Variants in ABCC10 observed in about 807,000 individuals in gnomAD.
The protein encoded by ABCC10 is ATP-binding cassette sub-family C member 10.
A neutral mutation model predicts 143.2 loss-of-function variants in ABCC10; 110 were observed. That is an observed-to-expected ratio of 0.77 (90% CI 0.66 to 0.90). The LOEUF is 0.90. Among genes scored for constraint, ABCC10 ranks in the 40% least tolerant of loss-of-function variants. ABCC10 has a pLI of 0.00. For synonymous variants in ABCC10, 805 were observed against 846.7 expected (o/e 0.95, Z 0.85); for missense variants, 1,700 against 1,900.5 (o/e 0.89, Z 1.96).
chr6:43,437,274 A>G (rs1331572802), intron 6 of ABCC10, among the ~76,000 whole-genome samples: 1 of 152,070 alleles, frequency 6.6e-6, no homozygotes, highest in Non-Finnish European at 1.5e-5. Flanking sequence ...AGGTCTCAGA[A>G]GTGGTGCCCA....
chr6:43,432,157 C>A lies in ABCC10; in HGVS notation c.177C>A (p.Ile59=). 1 of 1,614,146 alleles carries A rather than the reference C, an allele frequency of 6.2e-7. No individual in the cohort carries two copies. The highest frequency in any genetic ancestry group is 8.5e-7 in the Non-Finnish European group (1 of 1,180,004). The change falls in exon 3 of 22, where the codon ATC becomes ATA. Residue 59 remains isoleucine, a synonymous_variant. Coordinates refer to ENST00000372530, the MANE Select transcript of ABCC10 (RefSeq NM_001198934.2). Reference sequence around the variant, plus strand: ...TTGTCCCCAGGAGTCCAGATTACATCCTACCCTGCAGTCCTGGATGGCGCC... The same window carrying A: ...TTGTCCCCAGGAGTCCAGATTACATACTACCCTGCAGTCCTGGATGGCGCC... ...YLGTPRSPDY[I]LPCSPGWRLR...
intron 20 of ABCC10, 59 bp downstream of exon 20, chr6:43,449,263 T>G (rs1783487757): frequency 3.2e-6 from 5 of 1,573,770 alleles, no homozygotes; most frequent in Non-Finnish European, 2.6e-6. Context: ...GGCCGGGAGG[T>G]GGGGAGGTAG....
chr6:43,438,094 TG>T, intron 7 of ABCC10, 81 bp downstream of exon 7: 1 of 1,459,480 alleles, frequency 6.9e-7, no homozygotes, highest in South Asian at 1.2e-5. Context: ...GGACACCTTT[TG>T]GGGGTCAGGG....
intron 7 of ABCC10, 90 bp downstream of exon 7, chr6:43,438,103 G>A: frequency 7.1e-7 from 1 of 1,403,992 alleles, no homozygotes; most frequent in South Asian, 1.2e-5. Context: ...TTGGGGGTCA[G>A]GGGTACTAAG....
downstream of ABCC10, chr6:43,451,332 C>G: frequency 6.4e-7 from 1 of 1,569,098 alleles, no homozygotes; most frequent in African/African-American, 1.3e-5. This position sits in a 1 kb window ranked among gnomAD's most constrained non-coding sequence, Gnocchi z 4.4. Flanking sequence ...GTAGGGCAGC[C>G]CAGGTCAGTA....
chr6:43,451,265 G>C (rs1274734351), downstream of ABCC10: 1 of 1,613,780 alleles, frequency 6.2e-7, no homozygotes, highest in Non-Finnish European at 8.5e-7. This position sits in a 1 kb window ranked among gnomAD's most constrained non-coding sequence, Gnocchi z 4.4. Flanking sequence ...CGCCATTGCG[G>C]CATGGGGAGC....
chr6:43,427,870 G>C, intron 1 of ABCC10, 98 bp from the exon 2 acceptor site: 2 of 1,426,986 alleles, frequency 1.4e-6, no homozygotes, highest in Non-Finnish European at 2.0e-6. Context: ...GGCGGTCCCG[G>C]TTCCAGGGCG....
chr6:43,428,159 A>G lies in ABCC10; in HGVS notation c.161+20A>G. 1 of 1,513,080 alleles carries G rather than the reference A, an allele frequency of 6.6e-7. No individual in the cohort carries two copies. The highest frequency in any genetic ancestry group is 8.8e-7 in the Non-Finnish European group (1 of 1,131,392). The allele number at this position is 1,513,080 out of a possible 1,614,324, so 93.7% of individuals were successfully genotyped here. On this transcript the variant is annotated intron_variant, in intron 2 of 21. Transcript: ENST00000372530. ...CCCGAGGTGGGTAGAGACGGGCGCA[A>G]GGCATCTGTCCATGTGTGCCTGCAG...
chr6:43,447,304 C>T lies in ABCC10; in HGVS notation c.3601C>T (p.Leu1201=). Residue 1201 remains leucine (L), a synonymous_variant, in exon 17 of 22, where the codon CTG becomes TTG. Coordinates refer to ENST00000372530, the MANE Select transcript of ABCC10 (RefSeq NM_001198934.2). The part of the protein sequence containing the change: ...ALSLTGLLSG[L]VSSFTQTEAM... The stretch of plus-strand genomic sequence containing the variant: ...GTCCCTGACGGGCCTGCTCTCGGGC[C>T]TGGTGAGCAGCTTCACACAGACAGA... The T allele has an allele frequency of 5.6e-6, 9 of 1,613,792 alleles. No homozygotes were observed. The highest frequency in any genetic ancestry group is 6.8e-6 in the Non-Finnish European group (8 of 1,180,016).
At chr6:43,436,761 C>G (rs1781771019) in intron 6 of ABCC10, among the ~76,000 whole-genome samples, 1 of 152,250 alleles carries the variant, frequency 6.6e-6, no homozygotes, top group Non-Finnish European at 1.5e-5. Flanking sequence ...TTTTCACTCT[C>G]TCCTGACCTT....
At position 43,434,621 on chromosome 6, in the gene ABCC10, C is replaced by T; in HGVS notation, c.1381C>T (p.Leu461Phe). 1 of 1,612,582 alleles carries T rather than the reference C, an allele frequency of 6.2e-7. No individual in the cohort carries two copies. The highest frequency in any genetic ancestry group is 1.1e-5 in the South Asian group (1 of 90,964). ...MLQHKDARVKLVTELLSGIRV... is the reference protein window; with the variant it reads ...MLQHKDARVKFVTELLSGIRV... ...CCTCTCCCTTGTCTCCTTTCCCTAGCTTGTGACAGAGCTGCTGAGTGGCAT... is the reference window on the plus strand; with the variant it reads ...CCTCTCCCTTGTCTCCTTTCCCTAGTTTGTGACAGAGCTGCTGAGTGGCAT... Residue 461 changes from leucine (L) to phenylalanine (F), a missense_variant and splice_region_variant, in exon 4 of 22, where the codon CTT becomes TTT. By Grantham distance (22) the Leu-to-Phe change is conservative. Transcript: ENST00000372530.
At chr6:43,441,313 T>C (rs1394617163) in intron 8 of ABCC10, among the ~76,000 whole-genome samples, 1 of 148,368 alleles carries the variant, frequency 6.7e-6, no homozygotes, top group Non-Finnish European at 1.5e-5. Context: ...CCGTCTCTAC[T>C]AAAAATGCAA....
In ABCC10 at chr6:43,450,122, C is replaced by T. The variant is rs906420034; in HGVS notation, c.*31C>T. The T allele has an allele frequency of 1.3e-6, 2 of 1,562,398 alleles. No homozygotes were observed. The highest frequency in any genetic ancestry group is 1.7e-6 in the Non-Finnish European group (2 of 1,151,734). On this transcript the variant is annotated 3_prime_UTR_variant, in exon 22 of 22. Coordinates refer to ENST00000372530, the MANE Select transcript of ABCC10 (RefSeq NM_001198934.2). The surrounding 1 kb of genome is among the most constrained non-coding windows in gnomAD (Gnocchi z 4.5). ...ATCCCACACCCTGCAGAGTTCTCCC[C>T]TCTCTCTGATCCAGGCCGGGCCTAT...
Position 43,443,993 on chromosome 6 carries a change from G to A in ABCC10, c.2477G>A (p.Gly826Glu), listed in dbSNP as rs374214321. The A allele has an allele frequency of 1.2e-5, 19 of 1,614,048 alleles. No homozygotes were observed. The African/African-American group carries it at 2.4e-4, about 20-fold the overall frequency. The change falls in exon 11 of 22, where the codon GGA becomes GAA. Residue 826 changes from glycine to glutamate, a missense_variant. By Grantham distance (98) the Gly-to-Glu change is moderately conservative. Coordinates refer to ENST00000372530, the MANE Select transcript of ABCC10 (RefSeq NM_001198934.2). This position sits in a 1 kb window ranked among gnomAD's most constrained non-coding sequence, Gnocchi z 4.2. ...QAVPKAWAEN[G>E]QESDSATAQS... ...GTCCCCAAAGCCTGGGCTGAGAATG[G>A]ACAAGAGTCTGACTCAGGTATGGCT...
Position 43,447,416 on chromosome 6 carries a change from T to C in ABCC10, c.3705+8T>C. 1.2e-6 allele frequency: 2 copies of C among 1,612,276 alleles called. No homozygotes were observed. The highest frequency in any genetic ancestry group is 1.7e-6 in the Non-Finnish European group (2 of 1,179,496). Reference sequence around the variant, plus strand: ...CAGGGCCAGCCACTGCAGGTGGGCCTGTACCCCCACCCCAGGCCAAAGCTC... The same window carrying C: ...CAGGGCCAGCCACTGCAGGTGGGCCCGTACCCCCACCCCAGGCCAAAGCTC... On this transcript the variant is annotated splice_region_variant and intron_variant, in intron 17 of 21. Coordinates refer to ENST00000372530, the MANE Select transcript of ABCC10 (RefSeq NM_001198934.2).
chr6:43,437,942 G>T lies in ABCC10; in HGVS notation c.1884G>T (p.Leu628=). ...GTGTGGCTTCCTTGCAGGGTATGCT[G>T]GTGGGCATCGTGGGGAAGGTCGGCT... ...ISHLEVKKGM[L]VGIVGKVGCG... is the part of the protein sequence containing the mutation. The change falls in exon 7 of 22, where the codon CTG becomes CTT. Residue 628 remains leucine, a synonymous_variant. Transcript: ENST00000372530. 6.2e-7 allele frequency: 1 copy of T among 1,612,892 alleles called. No homozygotes were observed. Among genetic ancestry groups the T allele is most frequent in the Non-Finnish European group, 8.5e-7 (1 of 1,179,616 alleles).
rs1250482119 is a variant in ABCC10, at chr6:43,444,275, C to T, written c.2611C>T (p.His871Tyr). 1.9e-6 allele frequency: 3 copies of T among 1,614,150 alleles called. No individual in the cohort carries two copies. The highest frequency in any genetic ancestry group is 1.7e-6 in the Non-Finnish European group (2 of 1,180,024). The change falls in exon 12 of 22, where the codon CAC becomes TAC. Residue 871 changes from histidine (H) to tyrosine (Y), a missense_variant. His to Tyr is a moderately conservative substitution (Grantham distance 83). Coordinates refer to ENST00000372530, the MANE Select transcript of ABCC10 (RefSeq NM_001198934.2). ...ESKKEGAVAL[H>Y]VYQAYWKAVG... The stretch of plus-strand genomic sequence containing the variant: ...CAAGAAGGAGGGCGCCGTGGCCTTG[C>T]ACGTGTACCAAGCTTACTGGAAGGC...
Position 43,445,618 on chromosome 6 carries a change from A to G in ABCC10, c.3050A>G (p.Asn1017Ser). Residue 1017 changes from asparagine to serine, a missense_variant, in exon 15 of 22, where the codon AAT becomes AGT. Coordinates refer to ENST00000372530, the MANE Select transcript of ABCC10 (RefSeq NM_001198934.2). ...RVLMAPVTFF[N>S]ATPTGRILNR... ...TCCCAGGCACCAGTGACTTTCTTCA[A>G]TGCCACACCCACGGGCCGGATCCTA... 6.2e-7 allele frequency: 1 copy of G among 1,612,274 alleles called. No homozygotes were observed. Among genetic ancestry groups the G allele is most frequent in the Non-Finnish European group, 8.5e-7 (1 of 1,178,592 alleles).
downstream of ABCC10, chr6:43,450,674 A>AG (rs1323689469): frequency 6.2e-6 from 10 of 1,613,848 alleles, no homozygotes; most frequent in Non-Finnish European, 7.6e-6. The surrounding 1 kb of genome is among the most constrained non-coding windows in gnomAD (Gnocchi z 4.5). Flanking sequence ...AACAGGGTCC[A>AG]GGGGGGCAGA....
Sources: allele counts gnomAD v4.1 joint callset (sites outside exome capture counted in the v4.1 genomes callset), GRCh38; gene constraint gnomAD v4.1.1; non-coding constraint Gnocchi (gnomAD v3.1); transcripts MANE v1.5; gene names NCBI Gene and HGNC (gene_info 2026-07-23, HGNC 2026-07-21).